BABAM2: variants seen among roughly 807,000 people sequenced by gnomAD.
BABAM2 encodes the protein BRISC and BRCA1-A complex member 2.
BABAM2 carries 31 observed loss-of-function variants against 54.7 expected under a neutral mutation model. The observed-to-expected ratio is 0.57, with a 90% confidence interval of 0.43 to 0.77. The LOEUF (loss-of-function observed/expected upper bound fraction) is 0.77, where lower values mean the gene tolerates loss of function less well. Ranked by LOEUF, BABAM2 falls within the 30% of genes least tolerant of loss-of-function variation. BABAM2 has a pLI of 0.00. For missense variants in BABAM2, 364 were observed against 455.8 expected, an observed-to-expected ratio of 0.80 and a Z score of 1.83; for synonymous variants, 167 against 162.9, an observed-to-expected ratio of 1.03 and a Z score of -0.19.
At chr2:28,335,012 T>C (rs570299121) in intron 11 of BABAM2, among the ~76,000 whole-genome samples, 1 of 152,310 alleles carries the variant, frequency 6.6e-6, no homozygotes, top group South Asian at 2.1e-4. Flanking sequence ...AGGGCTGTGC[T>C]GATCACAAGT....
chr2:27,893,547 A>C (rs1665031090), intron 1 of BABAM2, among the ~76,000 whole-genome samples: 1 of 152,078 alleles, frequency 6.6e-6, no homozygotes, highest in Non-Finnish European at 1.5e-5. Context: ...TTGTCCCCTT[A>C]CTCATTTATT....
chr2:28,030,353 T>C lies in BABAM2; in HGVS notation c.495+4933T>C, dbSNP rs76350731. Among the ~76,000 whole-genome samples, 345 of 152,310 alleles carry C rather than the reference T, an allele frequency of 2.3e-3. 1 individual carries two copies. Among genetic ancestry groups the C allele is most frequent in the African/African-American group, 8.0e-3 (333 of 41,550 alleles). ...CTTATCTCAGTTTATTTTGATTTGA[T>C]GTTAAGTAGTTTGTAAACATTAGGG... is the stretch of plus-strand genomic sequence containing the variant. On this transcript the variant is annotated intron_variant, in intron 5 of 11. Coordinates refer to ENST00000379624, the MANE Select transcript of BABAM2 (RefSeq NM_199191.3).
chr2:28,286,837 G>C (rs1183621746), intron 10 of BABAM2, among the ~76,000 whole-genome samples: 6 of 152,102 alleles, frequency 3.9e-5, no homozygotes, highest in Non-Finnish European at 7.4e-5. Context: ...TTACTCAGCT[G>C]GGTTTCCCTA....
chr2:28,251,579 T>TA (rs1385452331), intron 10 of BABAM2, among the ~76,000 whole-genome samples: 1 of 152,200 alleles, frequency 6.6e-6, no homozygotes, highest in African/African-American at 2.4e-5. Context: ...ATCTGCCCGC[T>TA]ATAGAAACAG....
intron 7 of BABAM2, among the ~76,000 whole-genome samples, chr2:28,196,486 A>C (rs1677570910): frequency 6.6e-6 from 1 of 151,956 alleles, no homozygotes; most frequent in Admixed American, 6.6e-5. Flanking sequence ...TCACTGACTC[A>C]TTTTTCTTTT....
chr2:28,112,001 C>T (rs945889155), intron 6 of BABAM2, among the ~76,000 whole-genome samples: 18 of 152,192 alleles, frequency 1.2e-4, no homozygotes, highest in African/African-American at 4.1e-4. Context: ...TAGCATTATG[C>T]AGTCTGGGAA....
At chr2:28,127,309 T>G (rs1669638009) in intron 6 of BABAM2, among the ~76,000 whole-genome samples, 1 of 152,204 alleles carries the variant, frequency 6.6e-6, no homozygotes, top group South Asian at 2.1e-4. Context: ...TGGTCACCCA[T>G]GTCAAATACT....
At chr2:28,243,379 A>G (rs2148074400) in intron 9 of BABAM2, among the ~76,000 whole-genome samples, 1 of 152,216 alleles carries the variant, frequency 6.6e-6, no homozygotes, top group Non-Finnish European at 1.5e-5. Context: ...TAAAAATACA[A>G]AAATTAGCTG....
chr2:28,282,879 A>G (rs1290847530), intron 10 of BABAM2, among the ~76,000 whole-genome samples: 1 of 151,074 alleles, frequency 6.6e-6, no homozygotes, highest in African/African-American at 2.4e-5. Context: ...GGCACCTGTA[A>G]TGTCAGCTAC....
intron 10 of BABAM2, among the ~76,000 whole-genome samples, chr2:28,281,676 C>T (rs897676445): frequency 9.9e-5 from 15 of 152,242 alleles, no homozygotes; most frequent in Admixed American, 5.2e-4. Context: ...AGTACCAGAA[C>T]ATTCTAGTGG....
intron 10 of BABAM2, among the ~76,000 whole-genome samples, chr2:28,255,697 A>G (rs939698230): frequency 6.7e-6 from 1 of 150,036 alleles, no homozygotes; most frequent in East Asian, 2.0e-4. Context: ...ACATGGTCTC[A>G]CTCGCTCACC....
intron 6 of BABAM2, among the ~76,000 whole-genome samples, chr2:28,057,087 G>A (rs889432973): frequency 2.6e-5 from 4 of 152,038 alleles, no homozygotes; most frequent in African/African-American, 4.8e-5. Flanking sequence ...CAAATATGTC[G>A]CAGGTTTTTA....
At chr2:28,193,122 A>T (rs926273048) in intron 7 of BABAM2, among the ~76,000 whole-genome samples, 1 of 152,114 alleles carries the variant, frequency 6.6e-6, no homozygotes, top group Admixed American at 6.5e-5. Context: ...GTGAGCCGAG[A>T]TCATGCCATT....
chr2:28,119,188 A>G (rs912629523), intron 6 of BABAM2, among the ~76,000 whole-genome samples: 2 of 152,134 alleles, frequency 1.3e-5, no homozygotes. Context: ...TTTGCTTAGG[A>G]TTGTCTTGGC....
At chr2:28,235,831 T>TC (rs1378323084) in intron 7 of BABAM2, among the ~76,000 whole-genome samples, 4 of 150,654 alleles carry the variant, frequency 2.7e-5, no homozygotes, top group Non-Finnish European at 5.9e-5. Context: ...ATTTTTTAAT[T>TC]TTTTTTTTTG....
At chr2:28,095,404 G>C (rs1014093163) in intron 6 of BABAM2, among the ~76,000 whole-genome samples, 1 of 152,118 alleles carries the variant, frequency 6.6e-6, no homozygotes, top group Non-Finnish European at 1.5e-5. Flanking sequence ...GTGAGGGCAG[G>C]GCCCATGTCT....
intron 7 of BABAM2, among the ~76,000 whole-genome samples, chr2:28,186,848 C>T (rs1676349251): frequency 6.6e-6 from 1 of 151,194 alleles, no homozygotes; most frequent in Non-Finnish European, 1.5e-5. Context: ...CTCTGTCGCC[C>T]AGGCTGGAGT....
chr2:28,060,297 A>G (rs761860357), intron 6 of BABAM2, among the ~76,000 whole-genome samples: 1 of 152,200 alleles, frequency 6.6e-6, no homozygotes, highest in Non-Finnish European at 1.5e-5. Context: ...AAAATTGAGC[A>G]TATATTCCTG....
At chr2:27,889,727 G>T (rs567020679), upstream of BABAM2, among the ~76,000 whole-genome samples, 2 of 152,164 alleles carry the variant, frequency 1.3e-5, no homozygotes, top group Non-Finnish European at 2.9e-5. Flanking sequence ...CAGTAATGCC[G>T]ACAATCAACA....
Sources: allele counts gnomAD v4.1 joint callset (sites outside exome capture counted in the v4.1 genomes callset), GRCh38; gene constraint gnomAD v4.1.1; transcripts MANE v1.5; gene names NCBI Gene and HGNC (gene_info 2026-07-23, HGNC 2026-07-21).